The following SPG11 variants were observed in gnomAD, a reference collection of about 807,000 sequenced individuals.
SPG11 encodes the protein spatacsin.
Under a neutral mutation model 274.0 loss-of-function variants are expected in SPG11, and 222 were observed. That is an observed-to-expected ratio of 0.81 (90% CI 0.73 to 0.91). The LOEUF is 0.91. Ranked by LOEUF, SPG11 falls within the 40% of genes least tolerant of loss-of-function variation. The pLI is 0.00. For missense variants in SPG11, 3,114 were observed against 2,872.7 expected (o/e 1.08, Z -1.92); for synonymous variants, 1,144 against 1,039.7 (o/e 1.10, Z -1.93).
chr15:44,565,860 G>T lies in SPG11; in HGVS notation c.6993C>A (p.Phe2331Leu). 6.2e-7 allele frequency: 1 copy of T among 1,614,090 alleles called. No homozygotes were observed. The highest frequency in any genetic ancestry group is 8.5e-7 in the Non-Finnish European group (1 of 1,180,028). ...LMDCILALPR[F>L]YQASIVAEAY... is the part of the protein sequence containing the mutation. ...AGTTTGCTTTCTTGCTCACCTGGTAGAACCGAGGTAGGGCCAGAATACAGT... is the reference window on the plus strand; with the variant it reads ...AGTTTGCTTTCTTGCTCACCTGGTATAACCGAGGTAGGGCCAGAATACAGT... Residue 2331 changes from phenylalanine (F) to leucine (L), a missense_variant, in exon 38 of 40, where the codon TTC (phenylalanine) becomes TTA (leucine). Transcript: ENST00000261866.
chr15:44,563,055 T>G lies in SPG11; in HGVS notation c.*66A>C, dbSNP rs1180274411. The G allele has an allele frequency of 6.6e-7, 1 of 1,510,804 alleles. No individual in the cohort carries two copies. Among genetic ancestry groups the G allele is most frequent in the African/African-American group, 1.4e-5 (1 of 72,966 alleles). The allele number at this position is 1,510,804 out of a possible 1,614,324, so 93.6% of individuals were successfully genotyped here. On this transcript the variant is annotated 3_prime_UTR_variant, in exon 40 of 40. Coordinates refer to ENST00000261866, the MANE Select transcript of SPG11 (RefSeq NM_025137.4). ...ACTTTAGCAAAGATCTCCAATGCAT[T>G]CTTCTTCTCATCACATCTGTCAGAA...
intron 8 of SPG11, 45 bp from the exon 9 acceptor site, chr15:44,629,433 T>G (rs770146466): frequency 6.4e-7 from 1 of 1,573,634 alleles, no homozygotes; most frequent in Non-Finnish European, 8.7e-7. Flanking sequence ...ACCAGGATAC[T>G]CACAATAAAA....
chr15:44,580,025 AG>A (rs1339814758), intron 30 of SPG11, among the ~76,000 whole-genome samples: 1 of 152,212 alleles, frequency 6.6e-6, no homozygotes, highest in Non-Finnish European at 1.5e-5. Context: ...AGCAACTTCT[AG>A]TCCTGCAAGC....
chr15:44,651,728 T>C lies in SPG11; in HGVS notation c.1219A>G (p.Ser407Gly), dbSNP rs1165844299. 10 of 1,614,144 alleles carry C rather than the reference T, an allele frequency of 6.2e-6. No homozygotes were observed. The highest frequency in any genetic ancestry group is 3.3e-4 in the Middle Eastern group (2 of 6,084). The change falls in exon 6 of 40, where the codon AGT (serine) becomes GGT (glycine). Residue 407 changes from serine (S) to glycine (G), a missense_variant. Coordinates refer to ENST00000261866, the MANE Select transcript of SPG11 (RefSeq NM_025137.4). ...NVLQKDHAKT[S>G]DPGRSWKIMH... The stretch of plus-strand genomic sequence containing the variant: ...ATTTTCCATGATCTTCCTGGATCAC[T>C]GGTCTTGGCATGATCTTTCTGTAGA...
intron 7 of SPG11, among the ~76,000 whole-genome samples, chr15:44,640,983 C>G (rs549027662): frequency 2.0e-5 from 3 of 152,302 alleles, no homozygotes; most frequent in Admixed American, 6.5e-5. Flanking sequence ...CTGCCTTGGC[C>G]TCCCAAAGTG....
chr15:44,627,427 A>G (rs1303012346), intron 10 of SPG11, among the ~76,000 whole-genome samples: 1 of 152,182 alleles, frequency 6.6e-6, no homozygotes, highest in African/African-American at 2.4e-5. Flanking sequence ...TTTTTACCAG[A>G]GTAAAATATA....
chr15:44,564,619 T>A lies in SPG11; in HGVS notation c.7079A>T (p.Asp2360Val), dbSNP rs373463137. 1.9e-6 allele frequency: 3 copies of A among 1,613,452 alleles called. No individual in the cohort carries two copies. The African/African-American group carries it at 4.0e-5, about 22-fold the overall frequency. Residue 2360 changes from aspartate to valine, a missense_variant, in exon 39 of 40, where the codon GAC becomes GTC. Coordinates refer to ENST00000261866, the MANE Select transcript of SPG11 (RefSeq NM_025137.4). The part of the protein sequence containing the change: ...ILYQQVILKG[D>V]FNYLEEFKQQ... ...CTTAAATTCTTCCAAGTAATTAAAGTCTCCTTTAAGAATCACTTGCTGGTA... is the reference window on the plus strand; with the variant it reads ...CTTAAATTCTTCCAAGTAATTAAAGACTCCTTTAAGAATCACTTGCTGGTA...
chr15:44,641,071 G>C (rs747524653), intron 7 of SPG11, among the ~76,000 whole-genome samples: 1 of 152,100 alleles, frequency 6.6e-6, no homozygotes, highest in African/African-American at 2.4e-5. Context: ...TATCGGTATG[G>C]GAAAAAATTA....
intron 32 of SPG11, 57 bp downstream of exon 32, chr15:44,573,490 C>T: frequency 2.5e-6 from 4 of 1,582,644 alleles, no homozygotes; most frequent in Non-Finnish European, 3.5e-6. Context: ...AAATCCTTAA[C>T]ACTGGGAACT....
Position 44,663,358 on chromosome 15 carries a change from C to T in SPG11, c.257+33G>A, listed in dbSNP as rs753125671. The T allele has an allele frequency of 4.4e-5, 70 of 1,596,594 alleles. 2 individuals are homozygous for T. The South Asian group carries it at 7.7e-4, about 18-fold the overall frequency. The stretch of plus-strand genomic sequence containing the variant: ...GTCAGCCGAGCCTAGGCTCTGGACT[C>T]CCCCAACGGCCCAACTCTCCCTCAG... On this transcript the variant is annotated intron_variant, in intron 1 of 39. Coordinates refer to ENST00000261866, the MANE Select transcript of SPG11 (RefSeq NM_025137.4).
intron 16 of SPG11, among the ~76,000 whole-genome samples, chr15:44,615,092 G>T (rs965203196): frequency 1.3e-5 from 2 of 152,108 alleles, no homozygotes; most frequent in African/African-American, 2.4e-5. Context: ...ACCTTTTAAA[G>T]CATTTCTTTC....
chr15:44,573,790 G>C (rs1454997511), intron 31 of SPG11, 45 bp from the exon 32 acceptor site: 1 of 1,600,852 alleles, frequency 6.2e-7, no homozygotes. Context: ...TAGAAGCCAG[G>C]AAAAAGCAAA....
At chr15:44,642,236 G>GT (rs751747674) in intron 7 of SPG11, among the ~76,000 whole-genome samples, 3 of 151,152 alleles carry the variant, frequency 2.0e-5, no homozygotes, top group Non-Finnish European at 2.9e-5. Flanking sequence ...GTGGTGGCAC[G>GT]TGTCTGTAAT....
At chr15:44,576,569 A>C (rs1365198753) in intron 30 of SPG11, among the ~76,000 whole-genome samples, 1 of 151,678 alleles carries the variant, frequency 6.6e-6, no homozygotes, top group Non-Finnish European at 1.5e-5. Context: ...GAATGGCGTG[A>C]ACCCGGGAGG....
chr15:44,563,293 T>A lies in SPG11; in HGVS notation c.7160A>T (p.Gln2387Leu). 1.9e-6 allele frequency: 3 copies of A among 1,612,778 alleles called. No individual in the cohort carries two copies. Among genetic ancestry groups the A allele is most frequent in the Non-Finnish European group, 2.5e-6 (3 of 1,179,046 alleles). Residue 2387 changes from glutamine to leucine, a missense_variant, in exon 40 of 40, where the codon CAA (glutamine) becomes CTA (leucine). Gln to Leu is a moderately radical substitution (Grantham distance 113). Coordinates refer to ENST00000261866, the MANE Select transcript of SPG11 (RefSeq NM_025137.4). ...IFEEISKKYK[Q>L]HQPTDMVMEN... ...CATGACCATGTCAGTAGGCTGATGT[T>A]GTTTATATCTAGATAAAGAAACATA...
intron 21 of SPG11, chr15:44,600,179 T>C (rs944762849): frequency 6.4e-6 from 2 of 313,314 alleles, no homozygotes; most frequent in African/African-American, 4.2e-5. Flanking sequence ...ATAATCACCA[T>C]CCAAATGTAA....
At position 44,621,743 on chromosome 15, in the gene SPG11, G is replaced by A; in HGVS notation, c.2620+16C>T. 1 of 1,610,896 alleles carries A rather than the reference G, an allele frequency of 6.2e-7. No homozygotes were observed. ...CTCATTCAGTATGTTCATATTTCAG[G>A]CTCTCTCACACTTGCCTTCTGGACT... On this transcript the variant is annotated intron_variant, in intron 14 of 39. Coordinates refer to ENST00000261866, the MANE Select transcript of SPG11 (RefSeq NM_025137.4).
intron 39 of SPG11, 34 bp from the exon 40 acceptor site, chr15:44,563,335 A>G (rs2082235375): frequency 6.3e-7 from 1 of 1,593,910 alleles, no homozygotes; most frequent in Non-Finnish European, 8.6e-7. Flanking sequence ...AGGTTAAGAT[A>G]CTGTTTTTTG....
chr15:44,604,202 A>T (rs1202208483), intron 20 of SPG11: 2 of 382,156 alleles, frequency 5.2e-6, no homozygotes, highest in African/African-American at 4.3e-5. Flanking sequence ...TGATTCCTAA[A>T]AAAAAAAAAA....
Sources: gnomAD v4.1 joint callset for allele counts (sites outside exome capture counted in the v4.1 genomes callset) on GRCh38, gnomAD v4.1.1 for gene constraint, MANE v1.5 for transcripts, NCBI Gene and HGNC (gene_info 2026-07-23, HGNC 2026-07-21) for gene names.